The following BACE2 variants were observed in gnomAD, a reference collection of about 807,000 sequenced individuals.
The protein encoded by BACE2 is beta-secretase 2.
BACE2 carries 17 observed loss-of-function variants against 46.2 expected under a neutral mutation model. That is an observed-to-expected ratio of 0.37 (90% CI 0.25 to 0.55). The LOEUF is 0.55. Ranked by LOEUF, BACE2 falls within the 20% of genes least tolerant of loss-of-function variation. BACE2 has a pLI of 0.82. For missense variants in BACE2, 595 were observed against 698.1 expected (o/e 0.85, Z 1.66); for synonymous variants, 277 against 295.9 (o/e 0.94, Z 0.66).
rs1832254086 is a variant in BACE2, at chr21:41,240,613, C to T, written c.619-1206C>T. ...CATCGTGTTTGCTTTGCTTTACCGCCTCTCAAGAAGGTGGGTAGAACACCA... is the reference window on the plus strand; with the variant it reads ...CATCGTGTTTGCTTTGCTTTACCGCTTCTCAAGAAGGTGGGTAGAACACCA... On this transcript the variant is annotated intron_variant, in intron 3 of 8. Transcript: ENST00000330333. Among the ~76,000 whole-genome samples the T allele has an allele frequency of 2.0e-5, 3 of 152,356 alleles. No individual in the cohort carries two copies. The South Asian group carries it at 6.2e-4, about 32-fold the overall frequency.
intron 1 of BACE2, among the ~76,000 whole-genome samples, chr21:41,170,776 A>G (rs1454002031): frequency 1.3e-5 from 2 of 152,250 alleles, no homozygotes; most frequent in East Asian, 3.8e-4. Context: ...TGTAAATTCA[A>G]GCAATAAATA....
Position 41,245,953 on chromosome 21 carries a change from C to A in BACE2, c.883-9C>A. On this transcript the variant is annotated splice_polypyrimidine_tract_variant and intron_variant, in intron 5 of 8. Coordinates refer to ENST00000330333, the MANE Select transcript of BACE2 (RefSeq NM_012105.5). ...CTCACGCACCTTTCCCTTTCTCTCC[C>A]GGTTCAAGTATAACGCAGACAAGGC... The A allele has an allele frequency of 1.3e-6, 2 of 1,598,530 alleles. No individual in the cohort carries two copies. Among genetic ancestry groups the A allele is most frequent in the East Asian group, 2.3e-5 (1 of 44,318 alleles).
At chr21:41,221,420 C>G (rs1986642699) in intron 1 of BACE2, among the ~76,000 whole-genome samples, 1 of 152,234 alleles carries the variant, frequency 6.6e-6, no homozygotes, top group Admixed American at 6.5e-5. Context: ...TTTGTGTGCA[C>G]AGACTGCATT....
intron 2 of BACE2, among the ~76,000 whole-genome samples, chr21:41,235,101 A>G (rs1417391458): frequency 6.6e-6 from 1 of 152,218 alleles, no homozygotes; most frequent in Non-Finnish European, 1.5e-5. Flanking sequence ...TCCTGATTAT[A>G]AAAATAATGC....
chr21:41,185,217 A>C (rs1299966889), intron 1 of BACE2: 1 of 163,830 alleles, frequency 6.1e-6, no homozygotes, highest in Non-Finnish European at 1.5e-5. Flanking sequence ...GCAAGGTGTT[A>C]TAAAAATGGA....
At chr21:41,262,635 T>A (rs573296753) in intron 8 of BACE2, among the ~76,000 whole-genome samples, 1 of 152,252 alleles carries the variant, frequency 6.6e-6, no homozygotes, top group East Asian at 1.9e-4. Flanking sequence ...CATATCAAGT[T>A]TCCCCTATGA....
chr21:41,207,018 G>A (rs1986147911), intron 1 of BACE2, among the ~76,000 whole-genome samples: 3 of 152,300 alleles, frequency 2.0e-5, no homozygotes, highest in South Asian at 2.1e-4. Flanking sequence ...GTTCAGGTTT[G>A]GAGTGGGTCT....
In BACE2 at chr21:41,275,285, A is replaced by G. The variant is rs542086496; in HGVS notation, c.1304-86A>G. 9.6e-6 allele frequency: 15 copies of G among 1,570,242 alleles called. No homozygotes were observed. The African/African-American group carries it at 1.8e-4, about 18-fold the overall frequency. On this transcript the variant is annotated intron_variant, in intron 8 of 8. Coordinates refer to ENST00000330333, the MANE Select transcript of BACE2 (RefSeq NM_012105.5). Reference sequence around the variant, plus strand: ...CTCAGTGGACTTTAACTGTGGTTTAATAAACCAAGGGGTTCTGTCTGTGTC... The same window carrying G: ...CTCAGTGGACTTTAACTGTGGTTTAGTAAACCAAGGGGTTCTGTCTGTGTC...
At chr21:41,210,363 T>C (rs1986259696) in intron 1 of BACE2, among the ~76,000 whole-genome samples, 1 of 152,094 alleles carries the variant, frequency 6.6e-6, no homozygotes, top group African/African-American at 2.4e-5. Context: ...GGCTGACCAG[T>C]ACTAATGTTA....
rs142967866 is a variant in BACE2 at position 41,275,377 on chromosome 21, C to G, written c.1310C>G (p.Ala437Gly). ...TCCCTTTCTGTCTCCCCAGAAATTG[C>G]AGGTGCTGCAGTGTCTGAAATTTCC... ...GFAASPCAEI[A>G]GAAVSEISGP... Residue 437 changes from alanine to glycine, a missense_variant, in exon 9 of 9, where the codon GCA (alanine) becomes GGA (glycine). Physicochemically the swap from Ala to Gly is moderately conservative, Grantham distance 60. This residue lies in a region of BACE2 where 343 missense variants were observed against 419.4 expected (regional missense o/e 0.82). Transcript: ENST00000330333. 1.1e-5 allele frequency: 17 copies of G among 1,614,094 alleles called. No homozygotes were observed. Among genetic ancestry groups the G allele is most frequent in the Non-Finnish European group, 1.4e-5 (17 of 1,180,004 alleles).
chr21:41,244,083 T>C (rs966023247), intron 5 of BACE2, among the ~76,000 whole-genome samples: 2 of 152,192 alleles, frequency 1.3e-5, no homozygotes, highest in Admixed American at 6.5e-5. Flanking sequence ...GAGTTCTGGC[T>C]TGTTCGTGAC....
chr21:41,211,021 C>G (rs188014644), intron 1 of BACE2, among the ~76,000 whole-genome samples: 1 of 152,184 alleles, frequency 6.6e-6, no homozygotes, highest in African/African-American at 2.4e-5. Context: ...CGCCTTGCAC[C>G]TTTATAAGAA....
chr21:41,212,853 T>A (rs940790510), intron 1 of BACE2, among the ~76,000 whole-genome samples: 1 of 152,262 alleles, frequency 6.6e-6, no homozygotes, highest in Non-Finnish European at 1.5e-5. Context: ...GCTTTGCTTA[T>A]ACTTGGACAT....
At chr21:41,275,096 G>T (rs1010944758) in intron 8 of BACE2, among the ~76,000 whole-genome samples, 2 of 152,098 alleles carry the variant, frequency 1.3e-5, no homozygotes, top group Non-Finnish European at 2.9e-5. Context: ...TGAAGCACAG[G>T]GTGCTTCCAT....
At chr21:41,174,138 C>CA (rs1568853912) in intron 1 of BACE2, among the ~76,000 whole-genome samples, 1 of 70,650 alleles carries the variant, frequency 1.4e-5, no homozygotes, top group African/African-American at 9.5e-5. Flanking sequence ...TGATCAGTGG[C>CA]CTTTTTTTTT....
chr21:41,235,300 TC>T (rs1374862613), intron 2 of BACE2, among the ~76,000 whole-genome samples: 1 of 152,222 alleles, frequency 6.6e-6, no homozygotes, highest in East Asian at 1.9e-4. Context: ...GAAACATTTT[TC>T]CCTTGGCACA....
chr21:41,207,315 T>G (rs1986159555), intron 1 of BACE2, among the ~76,000 whole-genome samples: 1 of 152,082 alleles, frequency 6.6e-6, no homozygotes, highest in African/African-American at 2.4e-5. Context: ...CCTCCCCAAC[T>G]ATCATCAAAG....
chr21:41,188,674 G>A (rs962611640), intron 1 of BACE2, among the ~76,000 whole-genome samples: 1 of 152,226 alleles, frequency 6.6e-6, no homozygotes, highest in Non-Finnish European at 1.5e-5. Context: ...CTAAGGGCAG[G>A]ATTTACCAAT....
At chr21:41,270,635 T>A (rs2088425455) in intron 8 of BACE2, among the ~76,000 whole-genome samples, 1 of 152,250 alleles carries the variant, frequency 6.6e-6, no homozygotes, top group South Asian at 2.1e-4. Flanking sequence ...CCAGAAGCTT[T>A]CTGTTATTCT....
Sources: allele counts gnomAD v4.1 joint callset (sites outside exome capture counted in the v4.1 genomes callset), GRCh38; gene constraint gnomAD v4.1.1; regional missense constraint gnomAD v4.1.1; transcripts MANE v1.5; gene names NCBI Gene and HGNC (gene_info 2026-07-23, HGNC 2026-07-21).